Variants in CACNA1F observed in about 807,000 individuals in gnomAD.
The protein encoded by CACNA1F is calcium voltage-gated channel subunit alpha1 F.
Under a neutral mutation model 143.8 loss-of-function variants are expected in CACNA1F, and 59 were observed. The ratio of observed to expected loss-of-function variants is 0.41; its 90% confidence interval spans 0.33 to 0.51. The LOEUF (loss-of-function observed/expected upper bound fraction) is 0.51, where lower values mean the gene tolerates loss of function less well. CACNA1F is among the 20% of genes least tolerant of loss of function. The probability of loss-of-function intolerance (pLI) is 0.22; values close to 1 mark genes in which losing one functional copy is unlikely to be tolerated. For missense variants in CACNA1F, 1,411 were observed against 1,647.5 expected (o/e 0.86, Z 2.48); for synonymous variants, 643 against 649.1 (o/e 0.99, Z 0.14).
Position 49,218,882 on chromosome X carries a change from C to A in CACNA1F, c.2733G>T (p.Lys911Asn). The A allele has an allele frequency of 8.3e-7, 1 of 1,202,029 alleles. No homozygotes were observed. The change falls in exon 22 of 48, where the codon AAG becomes AAT. Residue 911 changes from lysine to asparagine, a missense_variant and splice_region_variant. Lys to Asn is a moderately conservative substitution (Grantham distance 94). This residue lies in a region of CACNA1F where 950 missense variants were observed against 1,128.1 expected (regional missense o/e 0.84). Coordinates refer to ENST00000323022, the MANE Select transcript of CACNA1F (RefSeq NM_001256789.3). ...TSIFTVEILL[K>N]MTVFGAFLHR... ...GTAGGACTGGGGTCCCATTAGTCAC[C>A]TTTAGTAGAATCTCCACAGTGAAAA...
chrX:49,227,901 C>T, intron 8 of CACNA1F, 135 bp downstream of exon 8: 4 of 521,415 alleles, frequency 7.7e-6, no homozygotes, highest in Non-Finnish European at 1.4e-5. Flanking sequence ...AATGGTGCCT[C>T]ACATACAATA....
Position 49,226,088 on chromosome X carries a change from A to G in CACNA1F, c.1491-19T>C, listed in dbSNP as rs2065821022. On this transcript the variant is annotated intron_variant, in intron 12 of 47. Transcript: ENST00000323022. ...GCGGCGGCTGGGGGAAGGGGAGCCC[A>G]CAGGCTGAGATCACCTACCTAAGCC... 1 of 1,190,043 alleles carries G rather than the reference A, an allele frequency of 8.4e-7. No individual in the cohort carries two copies. The highest frequency in any genetic ancestry group is 1.8e-5 in the African/African-American group (1 of 56,597).
intron 1 of CACNA1F, 147 bp downstream of exon 1, chrX:49,233,138 G>T: frequency 1.9e-6 from 1 of 537,394 alleles, no homozygotes; most frequent in Non-Finnish European, 3.1e-6. Flanking sequence ...CAGAGAGGCT[G>T]TTTGGGGCTG....
rs371796154 is a variant in CACNA1F, at chrX:49,205,163, C to T, written c.5875G>A (p.Glu1959Lys). The T allele has an allele frequency of 5.0e-6, 6 of 1,208,153 alleles. No homozygotes were observed. The African/African-American group carries it at 7.0e-5, about 14-fold the overall frequency. ...CAGAGGGCGTGGACGCAGGCCATCT[C>T]GTCTCCCAAGTCCTCCTCATCGAAG... ...SRFDEEDLGDEMACVHAL is the reference protein window; with the variant it reads ...SRFDEEDLGDKMACVHAL The change falls in exon 48 of 48, where the codon GAG (glutamate) becomes AAG (lysine). Residue 1959 changes from glutamate (E) to lysine (K), a missense_variant. Glu to Lys is a moderately conservative substitution (Grantham distance 56, BLOSUM62 1). Coordinates refer to ENST00000323022, the MANE Select transcript of CACNA1F (RefSeq NM_001256789.3).
Position 49,207,067 on chromosome X carries a change from A to T in CACNA1F, c.5169T>A (p.Asn1723Lys), listed in dbSNP as rs1341746145. The T allele has an allele frequency of 8.3e-7, 1 of 1,200,363 alleles. No homozygotes were observed. The highest frequency in any genetic ancestry group is 2.2e-5 in the Admixed American group (1 of 44,832). The change falls in exon 44 of 48, where the codon AAT (asparagine) becomes AAA (lysine). Residue 1723 changes from asparagine to lysine, a missense_variant. This residue lies in a region of CACNA1F where 349 missense variants were observed against 350.2 expected (regional missense o/e 1.00). Transcript: ENST00000323022. ...GCCCTTTGGTTCCCTTGGGCTGAGA[A>T]TTTCCTTCTTCTGGGATGGTGAAAA... ...ALIFTIPEEGNSQPKGTKGQN... is the reference protein window; with the variant it reads ...ALIFTIPEEGKSQPKGTKGQN...
chrX:49,220,374 G>T (rs2068984232), intron 19 of CACNA1F, 99 bp downstream of exon 19: 1 of 589,241 alleles, frequency 1.7e-6, no homozygotes, highest in African/African-American at 2.2e-5. Context: ...CTTGGAAAAG[G>T]CTGATCTCTG....
chrX:49,215,316 A>G, intron 28 of CACNA1F, 26 bp downstream of exon 28: 1 of 1,207,355 alleles, frequency 8.3e-7, no homozygotes, highest in Non-Finnish European at 1.1e-6. Flanking sequence ...GTGACCATCC[A>G]TAGGGGGTCA....
At chrX:49,233,112 G>A (rs964156251) in intron 1 of CACNA1F, 173 bp downstream of exon 1, 59 of 489,125 alleles carry the variant, frequency 1.2e-4, no homozygotes, top group Non-Finnish European at 1.8e-4. Flanking sequence ...CAGGCTGAGC[G>A]TTAGGGCTCT....
intron 13 of CACNA1F, among the ~76,000 whole-genome samples, chrX:49,225,226 G>A (rs1481278185): frequency 2.7e-5 from 3 of 110,359 alleles, no homozygotes; most frequent in Non-Finnish European, 3.8e-5. Flanking sequence ...GTGTCTATGA[G>A]TCCAGAAGAC....
At chrX:49,217,441 C>T (rs1015554814) in intron 26 of CACNA1F, among the ~76,000 whole-genome samples, 8 of 112,028 alleles carry the variant, frequency 7.1e-5, no homozygotes, top group East Asian at 2.8e-4. Context: ...GGATTTGAAC[C>T]GTAATGTCTG....
Position 49,226,065 on chromosome X carries a change from G to C in CACNA1F, c.1495C>G (p.Arg499Gly). The C allele has an allele frequency of 2.5e-6, 3 of 1,190,221 alleles. No individual in the cohort carries two copies. The highest frequency in any genetic ancestry group is 3.1e-5 in the East Asian group (1 of 32,643). ...AGGACCCGGTTGGCTCGGCGGAGGC[G>C]GCGGCTGGGGGAAGGGGAGCCCACA... ...NKIMKTRVCR[R>G]LRRANRVLRA... is the part of the protein sequence containing the mutation. The change falls in exon 13 of 48, where the codon CGC becomes GGC. Residue 499 changes from arginine to glycine, a missense_variant. By Grantham distance (125) the Arg-to-Gly change is moderately radical (BLOSUM62 -2). Coordinates refer to ENST00000323022, the MANE Select transcript of CACNA1F (RefSeq NM_001256789.3).
At chrX:49,226,576 A>G (rs1557109985) in intron 10 of CACNA1F, 34 bp downstream of exon 10, 1 of 1,158,203 alleles carries the variant, frequency 8.6e-7, no homozygotes, top group Non-Finnish European at 1.2e-6. Context: ...ACCTCTGCCT[A>G]CCCACCCCCA....
chrX:49,205,633 C>G lies in CACNA1F; in HGVS notation c.5653G>C (p.Asp1885His). Residue 1885 changes from aspartate to histidine, a missense_variant, in exon 47 of 48, where the codon GAC (aspartate) becomes CAC (histidine). Around this residue, in one of 3 missense-constraint regions of CACNA1F, gnomAD observed 349 missense variants for 350.2 expected, o/e 1.00. Coordinates refer to ENST00000323022, the MANE Select transcript of CACNA1F (RefSeq NM_001256789.3). Reference protein sequence around the residue: ...DPSHGKRGSADSLVEAVLISE... With the variant: ...DPSHGKRGSAHSLVEAVLISE... ...GGACTCACAGCCTCCACCAAGCTGT[C>G]GGCACTGCCCCTCTTCCCATGGCTG... 1 of 1,203,814 alleles carries G rather than the reference C, an allele frequency of 8.3e-7. No individual in the cohort carries two copies. The highest frequency in any genetic ancestry group is 1.7e-5 in the African/African-American group (1 of 57,732).
intron 26 of CACNA1F, among the ~76,000 whole-genome samples, chrX:49,217,442 G>T (rs960988813): frequency 8.9e-6 from 1 of 112,220 alleles, no homozygotes; most frequent in Non-Finnish European, 1.9e-5. Context: ...GATTTGAACC[G>T]TAATGTCTGA....
Position 49,207,081 on chromosome X carries a change from G to A in CACNA1F, c.5155C>T (p.Pro1719Ser), listed in dbSNP as rs782547405. 1.1e-5 allele frequency: 13 copies of A among 1,195,947 alleles called. No homozygotes were observed. Among genetic ancestry groups the A allele is most frequent in the Middle Eastern group, 2.3e-4 (1 of 4,319 alleles). Reference protein sequence around the residue: ...RGSGALIFTIPEEGNSQPKGT... With the variant: ...RGSGALIFTISEEGNSQPKGT... ...TTGGGCTGAGAATTTCCTTCTTCTG[G>A]GATGGTGAAAATGAGAGCCCCAGAG... The change falls in exon 44 of 48, where the codon CCA (proline) becomes TCA (serine). Residue 1719 changes from proline to serine, a missense_variant. Pro to Ser is a moderately conservative substitution (Grantham distance 74). Around this residue, in one of 3 missense-constraint regions of CACNA1F, gnomAD observed 349 missense variants for 350.2 expected, o/e 1.00. Transcript: ENST00000323022.
Position 49,228,265 on chromosome X carries a change from C to T in CACNA1F, c.1000G>A (p.Asp334Asn), listed in dbSNP as rs375892410. The T allele has an allele frequency of 9.9e-6, 12 of 1,210,167 alleles. No homozygotes were observed. Among genetic ancestry groups the T allele is most frequent in the Admixed American group, 6.5e-5 (3 of 45,948 alleles). The change falls in exon 7 of 48, where the codon GAT becomes AAT. Residue 334 changes from aspartate (D) to asparagine (N), a missense_variant. This residue lies in a region of CACNA1F where 950 missense variants were observed against 1,128.1 expected (regional missense o/e 0.84). Coordinates refer to ENST00000323022, the MANE Select transcript of CACNA1F (RefSeq NM_001256789.3). ...GTCCACCTCACCCAGTAGAGCACAT[C>T]GGTCCAGCCTTCCATGGTGACACAC... Reference protein sequence around the residue: ...FQCVTMEGWTDVLYWMQDAMG... With the variant: ...FQCVTMEGWTNVLYWMQDAMG...
rs73498062 is a variant in CACNA1F at position 49,215,614 on chromosome X, C to G, written c.3237-71G>C. The G allele has an allele frequency of 9.5e-3, 6,689 of 702,029 alleles. 338 individuals are homozygous for G. The African/African-American group carries it at 0.13, about 14-fold the overall frequency. 57.9% of individuals were successfully genotyped at this position (702,029 alleles called of 1,213,427 possible). A position where few individuals can be genotyped will look rare whatever the true frequency, so the allele number is the denominator to read the frequency against. The stretch of plus-strand genomic sequence containing the variant: ...TATCCCAGCCCCCTCAGACCTGCCC[C>G]CAGTCTACTTATCACAGACACCCCA... On this transcript the variant is annotated intron_variant, in intron 27 of 47. Coordinates refer to ENST00000323022, the MANE Select transcript of CACNA1F (RefSeq NM_001256789.3).
chrX:49,232,309 T>C (rs1395805897), intron 1 of CACNA1F, among the ~76,000 whole-genome samples: 1 of 111,168 alleles, frequency 9.0e-6, no homozygotes, highest in African/African-American at 3.3e-5. Context: ...GTATTTTGAA[T>C]TGGAATTAGA....
rs987742957 is a variant in CACNA1F at position 49,209,323 on chromosome X, T to C, written c.4892A>G (p.Glu1631Gly). Residue 1631 changes from glutamate to glycine, a missense_variant, in exon 42 of 48, where the codon GAG becomes GGG. Around this residue, in one of 3 missense-constraint regions of CACNA1F, gnomAD observed 349 missense variants for 350.2 expected, o/e 1.00. Coordinates refer to ENST00000323022, the MANE Select transcript of CACNA1F (RefSeq NM_001256789.3). ...RQALTCDTEE[E>G]EEEGQEGVEE... ...CACTCCCTCCTGCCCCTCTTCTTCCTCCTCCTCTGTGTCACAGGTGAGGGC... is the reference window on the plus strand; with the variant it reads ...CACTCCCTCCTGCCCCTCTTCTTCCCCCTCCTCTGTGTCACAGGTGAGGGC... 29 of 1,204,440 alleles carry C rather than the reference T, an allele frequency of 2.4e-5. No homozygotes were observed. Among genetic ancestry groups the C allele is most frequent in the Non-Finnish European group, 3.1e-5 (28 of 889,678 alleles).
Sources: allele counts gnomAD v4.1 joint callset (sites outside exome capture counted in the v4.1 genomes callset), GRCh38; gene constraint gnomAD v4.1.1; regional missense constraint gnomAD v4.1.1; transcripts MANE v1.5; gene names NCBI Gene and HGNC (gene_info 2026-07-23, HGNC 2026-07-21).